KMT2C: variants seen among roughly 807,000 people sequenced by gnomAD.
KMT2C encodes lysine methyltransferase 2C.
In KMT2C, 88 loss-of-function variants were observed where a neutral mutation model predicts 507.9. The ratio of observed to expected loss-of-function variants is 0.17; its 90% CI spans 0.15 to 0.21. KMT2C has a LOEUF of 0.21. Among genes scored for constraint, KMT2C ranks in the 10% least tolerant of loss-of-function variants. KMT2C has a pLI of 1.00. For missense variants in KMT2C, 4,954 were observed against 5,957.8 expected (o/e 0.83, Z 5.55); for synonymous variants, 2,049 against 2,080.8 (o/e 0.98, Z 0.42).
At chr7:152,255,849 T>C (rs777267958) in intron 9 of KMT2C, among the ~76,000 whole-genome samples, 12 of 152,104 alleles carry the variant, frequency 7.9e-5, no homozygotes, top group Non-Finnish European at 1.6e-4. Context: ...CAACTCCAAA[T>C]AGATCAGAGA....
intron 2 of KMT2C, among the ~76,000 whole-genome samples, chr7:152,348,426 G>GT (rs1175426912): frequency 6.6e-6 from 1 of 150,994 alleles, no homozygotes; most frequent in Non-Finnish European, 1.5e-5. Flanking sequence ...GTGAAACCCC[G>GT]TATCTTCTAA....
intron 53 of KMT2C, among the ~76,000 whole-genome samples, chr7:152,145,914 T>C (rs893977536): frequency 2.0e-5 from 3 of 152,228 alleles, no homozygotes; most frequent in African/African-American, 7.2e-5. Context: ...TCTGTAGTCA[T>C]AAAAGATAAG....
chr7:152,170,645 G>A (rs2092922891), intron 40 of KMT2C, among the ~76,000 whole-genome samples: 1 of 152,044 alleles, frequency 6.6e-6, no homozygotes, highest in East Asian at 1.9e-4. Context: ...TGGGACTATA[G>A]GTGTGCGCCA....
In KMT2C at chr7:152,150,909, T is replaced by C; in HGVS notation, c.12765A>G (p.Ser4255=). 1 of 1,606,110 alleles carries C rather than the reference T, an allele frequency of 6.2e-7. No individual in the cohort carries two copies. Among genetic ancestry groups the C allele is most frequent in the Non-Finnish European group, 8.5e-7 (1 of 1,173,100 alleles). The change falls in exon 51 of 59, where the codon TCA becomes TCG. Residue 4255 remains serine, a synonymous_variant. Coordinates refer to ENST00000262189, the MANE Select transcript of KMT2C (RefSeq NM_170606.3). ...ATTATCCTAATCTCACCTTGTTTTC[T>C]GAGTTTTTCGCTTGTGCAGTTGATG... ...LYSSTAQAKN[S]ENKESIPSLP... is the part of the protein sequence containing the mutation.
At chr7:152,255,122 T>TATATATACACAC (rs2095630418) in intron 9 of KMT2C, among the ~76,000 whole-genome samples, 1 of 111,590 alleles carries the variant, frequency 9.0e-6, no homozygotes, top group African/African-American at 5.0e-5. Context: ...TATATATATA[T>TATATATACACAC]ATATATATAT....
rs78960130 is a variant in KMT2C, at chr7:152,414,709, C to T, written c.161+20917G>A. Among the ~76,000 whole-genome samples the T allele has an allele frequency of 2.2e-3, 339 of 151,642 alleles. 3 individuals are homozygous for T. Among genetic ancestry groups the T allele is most frequent in the Middle Eastern group, 0.01 (3 of 294 alleles). Reference sequence around the variant, plus strand: ...AGAGGTTTCACCATGTTGGTCAGGCCGATCTCAAATTCTAGACCTCAGGTG... The same window carrying T: ...AGAGGTTTCACCATGTTGGTCAGGCTGATCTCAAATTCTAGACCTCAGGTG... On this transcript the variant is annotated intron_variant, in intron 1 of 58. Coordinates refer to ENST00000262189, the MANE Select transcript of KMT2C (RefSeq NM_170606.3).
At chr7:152,367,336 C>T in intron 1 of KMT2C, 1 of 870,766 alleles carries the variant, frequency 1.1e-6, no homozygotes, top group Non-Finnish European at 1.9e-6. Flanking sequence ...TTCGCAGAAG[C>T]CCTGAAGCAG....
intron 9 of KMT2C, among the ~76,000 whole-genome samples, chr7:152,261,640 A>G (rs2095780477): frequency 6.6e-6 from 1 of 152,244 alleles, no homozygotes; most frequent in Non-Finnish European, 1.5e-5. Flanking sequence ...AGTTACAAAT[A>G]CAATAAATTT....
chr7:152,214,423 T>C (rs1340686551), intron 23 of KMT2C, among the ~76,000 whole-genome samples: 1 of 152,204 alleles, frequency 6.6e-6, no homozygotes, highest in Non-Finnish European at 1.5e-5. Flanking sequence ...ATGTCATCAA[T>C]AGGTTCTTGG....
In KMT2C at chr7:152,151,551, C is replaced by T. The variant is rs201079078; in HGVS notation, c.12557G>A (p.Gly4186Asp). The change falls in exon 50 of 59, where the codon GGT becomes GAT. Residue 4186 changes from glycine to aspartate, a missense_variant. Gly to Asp is a moderately conservative substitution (Grantham distance 94, BLOSUM62 -1). This residue lies in a region of KMT2C where 417 missense variants were observed against 461.1 expected (regional missense o/e 0.90). Transcript: ENST00000262189. ...GLSGYKDSSHGIAESAALRPQ... is the reference protein window; with the variant it reads ...GLSGYKDSSHDIAESAALRPQ... ...TCTGAGTGCTGCGCTTTCTGCAATA[C>T]CATGACTAGAATCCTTATATCCAGA... 2.0e-4 allele frequency: 315 copies of T among 1,614,046 alleles called. No homozygotes were observed. The highest frequency in any genetic ancestry group is 1.6e-3 in the East Asian group (72 of 44,880).
chr7:152,165,191 A>T (rs373486917), intron 42 of KMT2C, among the ~76,000 whole-genome samples: 33 of 152,252 alleles, frequency 2.2e-4, no homozygotes, highest in African/African-American at 7.7e-4. Flanking sequence ...ACTATGTGGG[A>T]TATATAAGGT....
intron 26 of KMT2C, among the ~76,000 whole-genome samples, chr7:152,201,535 T>G (rs1471464718): frequency 7.0e-6 from 1 of 143,040 alleles, no homozygotes; most frequent in Non-Finnish European, 1.5e-5. Flanking sequence ...GGAGGAAAAG[T>G]AGGTTGCCAT....
intron 23 of KMT2C, among the ~76,000 whole-genome samples, chr7:152,215,723 T>TACACACACAC (rs138045665): frequency 7.4e-6 from 1 of 135,916 alleles, no homozygotes; most frequent in East Asian, 2.2e-4. Flanking sequence ...TATATATATA[T>TACACACACAC]ACACACACAC....
chr7:152,346,943 C>T (rs913436439), intron 2 of KMT2C, among the ~76,000 whole-genome samples: 2 of 152,020 alleles, frequency 1.3e-5, no homozygotes, highest in Non-Finnish European at 2.9e-5. Context: ...CTGGCTAACA[C>T]GGTGAAACCC....
chr7:152,163,061 C>T lies in KMT2C; in HGVS notation c.10516G>A (p.Glu3506Lys), dbSNP rs2092540797. ...PSTQTFMQTNERRQVGPPSFV... is the reference protein window; with the variant it reads ...PSTQTFMQTNKRRQVGPPSFV... ...GAAGGAGGGCCTACCTGCCTTCGCT[C>T]ATTAGTCTGCATGAAAGTTTGGGTG... is the stretch of plus-strand genomic sequence containing the variant. The change falls in exon 43 of 59, where the codon GAG becomes AAG. Residue 3506 changes from glutamate (E) to lysine (K), a missense_variant. Coordinates refer to ENST00000262189, the MANE Select transcript of KMT2C (RefSeq NM_170606.3). 6 of 1,614,182 alleles carry T rather than the reference C, an allele frequency of 3.7e-6. No homozygotes were observed. The highest frequency in any genetic ancestry group is 1.7e-5 in the Admixed American group (1 of 60,026).
chr7:152,351,686 T>C (rs2097111929), intron 2 of KMT2C, among the ~76,000 whole-genome samples: 1 of 152,188 alleles, frequency 6.6e-6, no homozygotes, highest in Admixed American at 6.5e-5. Flanking sequence ...AGCCCCAAAA[T>C]AATACTTTTA....
In KMT2C at chr7:152,315,123, G is replaced by T. The variant is rs2129202413; in HGVS notation, c.590+15C>A. ...GTCTTAATCTATTCCAACATTTAAA[G>T]TCGAAACTGCTTACTTTCTCTGTCC... On this transcript the variant is annotated intron_variant, in intron 4 of 58. Coordinates refer to ENST00000262189, the MANE Select transcript of KMT2C (RefSeq NM_170606.3). The T allele has an allele frequency of 6.2e-7, 1 of 1,608,614 alleles. No homozygotes were observed. Among genetic ancestry groups the T allele is most frequent in the African/African-American group, 1.3e-5 (1 of 74,802 alleles).
chr7:152,176,987 T>C lies in KMT2C; in HGVS notation c.8466A>G (p.Val2822=), dbSNP rs1002389553. The change falls in exon 38 of 59, where the codon GTA becomes GTG. Residue 2822 remains valine, a synonymous_variant. Transcript: ENST00000262189. ...PQKKSTVTNE[V]KTEVLSPNSK... ...AATTTGGAGACAGTACTTCCGTTTT[T>C]ACCTCATTGGTAACAGTGGATTTTT... The C allele has an allele frequency of 1.9e-6, 3 of 1,614,154 alleles. No homozygotes were observed. The Admixed American group carries it at 5.0e-5, about 27-fold the overall frequency.
At chr7:152,396,350 T>G (rs1466401024) in intron 1 of KMT2C, among the ~76,000 whole-genome samples, 1 of 152,236 alleles carries the variant, frequency 6.6e-6, no homozygotes, top group Non-Finnish European at 1.5e-5. Context: ...TCTGTCTCAC[T>G]TCAAGAAATC....
Sources: allele counts gnomAD v4.1 joint callset (sites outside exome capture counted in the v4.1 genomes callset), GRCh38; gene constraint gnomAD v4.1.1; regional missense constraint gnomAD v4.1.1; transcripts MANE v1.5; gene names NCBI Gene and HGNC (gene_info 2026-07-23, HGNC 2026-07-21).